MTREX: variants seen among roughly 807,000 people sequenced by gnomAD.
MTREX encodes the protein Mtr4 exosome RNA helicase.
A neutral mutation model predicts 135.4 loss-of-function variants in MTREX; 76 were observed. The observed-to-expected ratio is 0.56, with a 90% CI of 0.47 to 0.68. MTREX has a LOEUF of 0.68. Ranked by LOEUF, MTREX falls within the 30% of genes least tolerant of loss-of-function variation. The pLI, the probability that MTREX is intolerant of heterozygous loss-of-function variation, is 0.00. For missense variants in MTREX, 920 were observed against 1,262.1 expected (o/e 0.73, Z 4.11); for synonymous variants, 404 against 401.6 (o/e 1.01, Z -0.07).
At chr5:55,407,592 C>A (rs1750826929) in intron 22 of MTREX, among the ~76,000 whole-genome samples, 1 of 152,138 alleles carries the variant, frequency 6.6e-6, no homozygotes, top group Non-Finnish European at 1.5e-5. Context: ...ACTGGGGCAT[C>A]ATCCTAGACT....
rs769245102 is a variant in MTREX, at chr5:55,327,714, A to G, written c.340-2A>G. On this transcript the variant is annotated splice_acceptor_variant, in intron 3 of 26. Transcript: ENST00000230640. LOFTEE classifies it high-confidence loss of function. ...TTTTTTTCTTTTTTACTTTGTTGTCAGGTTGCACTTCCTGCAGAAGAGGAT... is the reference window on the plus strand; with the variant it reads ...TTTTTTTCTTTTTTACTTTGTTGTCGGGTTGCACTTCCTGCAGAAGAGGAT... The G allele has an allele frequency of 1.9e-6, 3 of 1,611,904 alleles. No individual in the cohort carries two copies. In the South Asian group the frequency reaches 3.3e-5, roughly 18 times the overall value.
Position 55,328,806 on chromosome 5 carries a change from C to A in MTREX, c.510C>A (p.Cys170Ter), listed in dbSNP as rs754385103. 2 of 1,582,598 alleles carry A rather than the reference C, an allele frequency of 1.3e-6. No individual in the cohort carries two copies. The highest frequency in any genetic ancestry group is 1.7e-6 in the Non-Finnish European group (2 of 1,155,272). Residue 170 changes from cysteine to a stop codon, truncating the protein, a stop_gained, in exon 5 of 27, where the codon TGC (cysteine) becomes TGA (stop). Coordinates refer to ENST00000230640, the MANE Select transcript of MTREX (RefSeq NM_015360.5). LOFTEE classifies it high-confidence loss of function. ...SAHTSAGKTV[C>*]AEYAIALALR... Reference sequence around the variant, plus strand: ...ATACCTCAGCGGGAAAAACAGTATGCGCCGAGTGAGTAGCTTCCTTTTTAA... The same window carrying A: ...ATACCTCAGCGGGAAAAACAGTATGAGCCGAGTGAGTAGCTTCCTTTTTAA...
chr5:55,386,727 A>G lies in MTREX; in HGVS notation c.2053-1247A>G, dbSNP rs181303034. On this transcript the variant is annotated intron_variant, in intron 18 of 26. Transcript: ENST00000230640. Reference sequence around the variant, plus strand: ...TGGAACCAAATCCAACAACAGAGTTATCTAGAAACATTAAAGATTGCTCAT... The same window carrying G: ...TGGAACCAAATCCAACAACAGAGTTGTCTAGAAACATTAAAGATTGCTCAT... Among the ~76,000 whole-genome samples, 20 of 152,286 alleles carry G rather than the reference A, an allele frequency of 1.3e-4. No individual in the cohort carries two copies. The East Asian group carries it at 3.7e-3, about 28-fold the overall frequency.
At chr5:55,404,173 T>C (rs976951114) in intron 21 of MTREX, among the ~76,000 whole-genome samples, 1 of 152,218 alleles carries the variant, frequency 6.6e-6, no homozygotes, top group African/African-American at 2.4e-5. Context: ...ATAAACAGTC[T>C]AAAAAATTCC....
chr5:55,356,506 T>A (rs942232438), intron 14 of MTREX: 8 of 202,468 alleles, frequency 4.0e-5, no homozygotes, highest in Non-Finnish European at 8.5e-5. Flanking sequence ...GAGGCTGCCG[T>A]GTTTACCACC....
At chr5:55,371,629 C>T (rs951036903) in intron 16 of MTREX, among the ~76,000 whole-genome samples, 2 of 152,142 alleles carry the variant, frequency 1.3e-5, no homozygotes, top group Admixed American at 1.3e-4. Context: ...AGGTACTATC[C>T]TTAAATTAAG....
intron 19 of MTREX, among the ~76,000 whole-genome samples, chr5:55,396,415 A>G (rs230805): frequency 0.85 from 129,529 of 152,136 alleles, 55,618 homozygotes; most frequent in South Asian, 0.92. Context: ...TTCTTAACAT[A>G]TACATGTATT....
intron 16 of MTREX, among the ~76,000 whole-genome samples, chr5:55,375,367 C>G (rs1750279396): frequency 6.6e-6 from 1 of 152,136 alleles, no homozygotes; most frequent in Non-Finnish European, 1.5e-5. Context: ...GGGGACAGTT[C>G]AGAGACCTAC....
chr5:55,365,408 A>G (rs560904771), intron 15 of MTREX, among the ~76,000 whole-genome samples: 1 of 152,172 alleles, frequency 6.6e-6, no homozygotes, highest in Non-Finnish European at 1.5e-5. Flanking sequence ...GGAACTAAGA[A>G]ATATCCTTAC....
At chr5:55,423,493 G>T in intron 26 of MTREX, 1 of 153,700 alleles carries the variant, frequency 6.5e-6, no homozygotes, top group Non-Finnish European at 1.4e-5. Context: ...TGGGCAGTGA[G>T]TAGAGGAGTA....
At position 55,310,739 on chromosome 5, in the gene MTREX, T is replaced by A. The variant is rs888445416; in HGVS notation, c.134+2592T>A. Among the ~76,000 whole-genome samples the A allele has an allele frequency of 1.2e-4, 19 of 152,208 alleles. 1 individual carries two copies. The highest frequency in any genetic ancestry group is 2.5e-4 in the Non-Finnish European group (17 of 68,030). ...TGGAACTTCAGAGGAACTTGCCCTT[T>A]ATTTAGTATTCTAGATCAAGTGGAT... On this transcript the variant is annotated intron_variant, in intron 1 of 26. Transcript: ENST00000230640.
chr5:55,355,796 C>T (rs1749901908), intron 14 of MTREX, among the ~76,000 whole-genome samples: 1 of 152,200 alleles, frequency 6.6e-6, no homozygotes, highest in Non-Finnish European at 1.5e-5. Flanking sequence ...TTACCTGGGC[C>T]TCCCACTGGA....
chr5:55,343,095 T>G (rs758838224), intron 7 of MTREX, among the ~76,000 whole-genome samples: 4 of 152,240 alleles, frequency 2.6e-5, no homozygotes, highest in Non-Finnish European at 4.4e-5. Flanking sequence ...ACCCTGGAAT[T>G]GCTCTTTGTA....
At chr5:55,423,154 AT>A in intron 26 of MTREX, 172 bp downstream of exon 26, 1 of 597,086 alleles carries the variant, frequency 1.7e-6, no homozygotes, top group Non-Finnish European at 3.0e-6. Flanking sequence ...AAAAGTTGAG[AT>A]TTTATATATA....
At chr5:55,314,652 T>C (rs1749168749) in intron 1 of MTREX, among the ~76,000 whole-genome samples, 1 of 152,218 alleles carries the variant, frequency 6.6e-6, no homozygotes, top group Admixed American at 6.5e-5. Flanking sequence ...TTTGGTCTTG[T>C]AAGACCTATA....
chr5:55,335,184 T>C (rs1416710906), intron 5 of MTREX, among the ~76,000 whole-genome samples: 1 of 152,104 alleles, frequency 6.6e-6, no homozygotes, highest in Non-Finnish European at 1.5e-5. Flanking sequence ...TTGGTCTTAA[T>C]TGCGTTGTAA....
At chr5:55,401,692 G>A (rs977994680) in intron 21 of MTREX, among the ~76,000 whole-genome samples, 14 of 152,130 alleles carry the variant, frequency 9.2e-5, no homozygotes, top group African/African-American at 2.4e-4. Context: ...TCTTAATAGC[G>A]TCAAATGTTA....
At chr5:55,407,804 G>A (rs1750829669) in intron 22 of MTREX, among the ~76,000 whole-genome samples, 1 of 151,558 alleles carries the variant, frequency 6.6e-6, no homozygotes, top group Non-Finnish European at 1.5e-5. Context: ...CCCAGGCTGG[G>A]GTGCAGTGGT....
intron 24 of MTREX, 81 bp downstream of exon 24, chr5:55,414,319 C>T (rs1252966747): frequency 9.3e-7 from 1 of 1,080,208 alleles, no homozygotes; most frequent in Non-Finnish European, 1.3e-6. Flanking sequence ...ATAATCTAAT[C>T]ATAGTAGTTT....
Sources: allele counts gnomAD v4.1 joint callset (sites outside exome capture counted in the v4.1 genomes callset), GRCh38; gene constraint gnomAD v4.1.1; transcripts MANE v1.5; gene names NCBI Gene and HGNC (gene_info 2026-07-23, HGNC 2026-07-21).